Variants in ADAMTS2 observed in about 807,000 individuals in gnomAD.
The protein encoded by ADAMTS2 is ADAM metallopeptidase with thrombospondin type 1 motif 2.
ADAMTS2 carries 50 observed loss-of-function variants against 123.0 expected under a neutral mutation model. The ratio of observed to expected loss-of-function variants is 0.41; its 90% CI spans 0.32 to 0.51. The LOEUF is 0.51. Among genes scored for constraint, ADAMTS2 ranks in the 20% least tolerant of loss-of-function variants. ADAMTS2 has a pLI of 0.35. For synonymous variants in ADAMTS2, 678 were observed against 695.4 expected, an observed-to-expected ratio of 0.98 and a Z score of 0.39; for missense variants, 1,494 against 1,705.2, an observed-to-expected ratio of 0.88 and a Z score of 2.18.
At chr5:179,344,832 C>T (rs1469024118) in intron 1 of ADAMTS2, among the ~76,000 whole-genome samples, 1 of 152,152 alleles carries the variant, frequency 6.6e-6, no homozygotes, top group East Asian at 1.9e-4. Flanking sequence ...GCCGGCTCCT[C>T]CGGAGCGTCC....
Position 179,197,749 on chromosome 5 carries a change from C to T in ADAMTS2, c.891+9764G>A, listed in dbSNP as rs369594088. Among the ~76,000 whole-genome samples the T allele has an allele frequency of 2.4e-4, 36 of 152,276 alleles. No homozygotes were observed. The highest frequency in any genetic ancestry group is 6.3e-4 in the African/African-American group (26 of 41,568). On this transcript the variant is annotated intron_variant, in intron 4 of 21. Coordinates refer to ENST00000251582, the MANE Select transcript of ADAMTS2 (RefSeq NM_014244.5). The surrounding 1 kb of genome is among the most constrained non-coding windows in gnomAD (Gnocchi z 4.2). ...ATATATAAACATATTACTTCCACAA[C>T]GGCTCTGATCTTCCAAGGCATTCAT...
intron 3 of ADAMTS2, among the ~76,000 whole-genome samples, chr5:179,237,705 T>G (rs1765563309): frequency 6.6e-6 from 1 of 152,198 alleles, no homozygotes; most frequent in East Asian, 1.9e-4. Context: ...CGGGGCCTGA[T>G]GAGGGGCTCT....
chr5:179,214,340 A>G (rs1172003844), intron 3 of ADAMTS2, among the ~76,000 whole-genome samples: 1 of 152,248 alleles, frequency 6.6e-6, no homozygotes, highest in Admixed American at 6.5e-5. Flanking sequence ...CCTAAACCCT[A>G]AACATCTGAA....
chr5:179,127,122 T>C (rs1762874365), intron 17 of ADAMTS2, among the ~76,000 whole-genome samples: 2 of 151,880 alleles, frequency 1.3e-5, no homozygotes, highest in Non-Finnish European at 2.9e-5. Context: ...TACTTTGGGG[T>C]GAGAGTGGAC....
intron 2 of ADAMTS2, among the ~76,000 whole-genome samples, chr5:179,329,097 G>A (rs1230249818): frequency 2.0e-5 from 3 of 152,182 alleles, no homozygotes; most frequent in Non-Finnish European, 4.4e-5. Flanking sequence ...GGAGGCCAAG[G>A]AGGGCGGATC....
rs529407156 is a variant in ADAMTS2, at chr5:179,345,162, C to A, written c.139+28G>T. ...GACAGGGCCAGGCCGGCGGGGGTCC[C>A]GGGGAGTAGGGGCCGGGCCGCACCT... is the stretch of plus-strand genomic sequence containing the variant. On this transcript the variant is annotated intron_variant, in intron 1 of 21. Coordinates refer to ENST00000251582, the MANE Select transcript of ADAMTS2 (RefSeq NM_014244.5). This position sits in a 1 kb window ranked among gnomAD's most constrained non-coding sequence, Gnocchi z 7.5. The A allele has an allele frequency of 2.6e-3, 2,835 of 1,086,044 alleles. 49 individuals carry two copies. In the African/African-American group the frequency reaches 0.044, roughly 17 times the overall value. 67.3% of individuals were successfully genotyped at this position (1,086,044 alleles called of 1,614,324 possible). A position where few individuals can be genotyped will look rare whatever the true frequency, so the allele number is the denominator to read the frequency against.
intron 2 of ADAMTS2, 49 bp downstream of exon 2, chr5:179,343,718 C>G (rs754686084): frequency 6.3e-7 from 1 of 1,589,764 alleles, no homozygotes; most frequent in Non-Finnish European, 8.5e-7. Context: ...TTTTCCAAAA[C>G]CCAGGCGAGA....
At chr5:179,140,799 CTT>C (rs770094463) in intron 10 of ADAMTS2, among the ~76,000 whole-genome samples, 2 of 90,444 alleles carry the variant, frequency 2.2e-5, no homozygotes, top group Admixed American at 1.4e-4. Flanking sequence ...ACTGCATGCT[CTT>C]TTTTTTTTTT....
intron 13 of ADAMTS2, among the ~76,000 whole-genome samples, 161 bp from the exon 14 acceptor site, chr5:179,133,061 A>G (rs1376994620): frequency 6.6e-6 from 1 of 150,458 alleles, no homozygotes. Context: ...GCCTGGCCTC[A>G]TCTTTTATTA....
intron 2 of ADAMTS2, among the ~76,000 whole-genome samples, chr5:179,310,903 A>C (rs1756812914): frequency 6.6e-6 from 1 of 151,974 alleles, no homozygotes; most frequent in Non-Finnish European, 1.5e-5. Flanking sequence ...ATGGCCCAGG[A>C]CAGCAGCTCA....
chr5:179,302,645 G>C lies in ADAMTS2; in HGVS notation c.535-29581C>G, dbSNP rs569007303. Among the ~76,000 whole-genome samples, 25 of 152,016 alleles carry C rather than the reference G, an allele frequency of 1.6e-4. No homozygotes were observed. The South Asian group carries it at 4.2e-3, about 25-fold the overall frequency. On this transcript the variant is annotated intron_variant, in intron 2 of 21. Coordinates refer to ENST00000251582, the MANE Select transcript of ADAMTS2 (RefSeq NM_014244.5). ...GACCCTGGGTGCTATCTCCCGGGGGGGCAAATGGCAGTAAGCAAGCAAAGA... is the reference window on the plus strand; with the variant it reads ...GACCCTGGGTGCTATCTCCCGGGGGCGCAAATGGCAGTAAGCAAGCAAAGA...
intron 4 of ADAMTS2, among the ~76,000 whole-genome samples, chr5:179,200,202 G>A (rs1764528906): frequency 6.6e-6 from 1 of 150,802 alleles, no homozygotes; most frequent in Admixed American, 6.6e-5. Context: ...GTAATACATT[G>A]GCTCCTTTGA....
intron 5 of ADAMTS2, among the ~76,000 whole-genome samples, chr5:179,168,200 C>A (rs1489523155): frequency 6.6e-6 from 1 of 152,214 alleles, no homozygotes; most frequent in African/African-American, 2.4e-5. Context: ...CTTGCCAGAA[C>A]CCAGTGGAAC....
At chr5:179,154,777 G>C (rs1208045629) in intron 7 of ADAMTS2, 37 bp downstream of exon 7, 1 of 1,523,856 alleles carries the variant, frequency 6.6e-7, no homozygotes, top group Admixed American at 1.8e-5. Flanking sequence ...ATCCTAGGGT[G>C]GCCCCTCTGT....
chr5:179,168,380 C>A (rs1212733836), intron 5 of ADAMTS2, among the ~76,000 whole-genome samples: 1 of 152,174 alleles, frequency 6.6e-6, no homozygotes, highest in Non-Finnish European at 1.5e-5. Context: ...CAGAGTCCAG[C>A]CCCTCCTCCC....
chr5:179,147,349 A>T (rs888108540), intron 10 of ADAMTS2, among the ~76,000 whole-genome samples: 3 of 152,176 alleles, frequency 2.0e-5, no homozygotes, highest in African/African-American at 7.2e-5. Flanking sequence ...TCGGCCTCCC[A>T]AAGTGTCGGG....
At chr5:179,127,134 C>T (rs1396955137) in intron 17 of ADAMTS2, among the ~76,000 whole-genome samples, 1 of 152,204 alleles carries the variant, frequency 6.6e-6, no homozygotes, top group African/African-American at 2.4e-5. Flanking sequence ...AGAGTGGACA[C>T]ACAAGGGCCA....
chr5:179,265,812 C>A (rs1389620321), intron 3 of ADAMTS2, among the ~76,000 whole-genome samples: 1 of 152,258 alleles, frequency 6.6e-6, no homozygotes, highest in Non-Finnish European at 1.5e-5. Context: ...GTGCGCTCAG[C>A]CCTGAAGCAC....
rs1022106092 is a variant in ADAMTS2, at chr5:179,155,142, C to T, written c.1133-223G>A. Among the ~76,000 whole-genome samples the T allele has an allele frequency of 6.6e-6, 1 of 152,244 alleles. No individual in the cohort carries two copies. Among genetic ancestry groups the T allele is most frequent in the African/African-American group, 2.4e-5 (1 of 41,474 alleles). ...CCCCAGCCCGTCACCACACAAGCCCCGTGGCCGTTCTGCCTGTAACAGCCA... is the reference window on the plus strand; with the variant it reads ...CCCCAGCCCGTCACCACACAAGCCCTGTGGCCGTTCTGCCTGTAACAGCCA... On this transcript the variant is annotated intron_variant, in intron 6 of 21. Transcript: ENST00000251582. This position sits in a 1 kb window ranked among gnomAD's most constrained non-coding sequence, Gnocchi z 5.1.
Sources: allele counts gnomAD v4.1 joint callset (sites outside exome capture counted in the v4.1 genomes callset), GRCh38; gene constraint gnomAD v4.1.1; non-coding constraint Gnocchi (gnomAD v3.1); transcripts MANE v1.5; gene names NCBI Gene and HGNC (gene_info 2026-07-23, HGNC 2026-07-21).